The following SEMA3A variants were observed in gnomAD, a reference collection of about 807,000 sequenced individuals.
The protein encoded by SEMA3A is semaphorin 3A.
In SEMA3A, 29 loss-of-function variants were observed where a neutral mutation model predicts 97.9. That is an observed-to-expected ratio of 0.30 (90% CI 0.22 to 0.40). SEMA3A has a LOEUF of 0.40. Ranked by LOEUF, SEMA3A falls within the 10% of genes least tolerant of loss-of-function variation. The pLI, the probability that SEMA3A is intolerant of heterozygous loss-of-function variation, is 1.00. For missense variants in SEMA3A, 763 were observed against 951.3 expected, an observed-to-expected ratio of 0.80 and a Z score of 2.60; for synonymous variants, 321 against 323.7, an observed-to-expected ratio of 0.99 and a Z score of 0.09.
intron 1 of SEMA3A, among the ~76,000 whole-genome samples, chr7:84,181,943 A>G (rs1269632216): frequency 1.3e-5 from 2 of 152,102 alleles, no homozygotes; most frequent in African/African-American, 4.8e-5. Context: ...GTGTTTTCCA[A>G]AAGAATTCTG....
At chr7:84,178,919 C>T (rs1311940897) in intron 1 of SEMA3A, among the ~76,000 whole-genome samples, 2 of 152,104 alleles carry the variant, frequency 1.3e-5, no homozygotes, top group African/African-American at 4.8e-5. Context: ...CATTCTACTT[C>T]CTTCAGCTAG....
intron 1 of SEMA3A, among the ~76,000 whole-genome samples, chr7:84,445,887 A>G (rs1033599426): frequency 1.3e-5 from 2 of 152,072 alleles, no homozygotes; most frequent in Admixed American, 1.3e-4. Context: ...ATAAAAAAAA[A>G]GAATGAAGAA....
At chr7:84,091,138 AG>A (rs1794561671) in intron 4 of SEMA3A, among the ~76,000 whole-genome samples, 1 of 23,266 alleles carries the variant, frequency 4.3e-5, no homozygotes, top group African/African-American at 1.3e-4. Context: ...GAAAGAAAGA[AG>A]GAAGGAAGGA....
rs545122701 is a variant in SEMA3A at position 84,075,309 on chromosome 7, G to C, written c.454-14751C>G. 3.3e-5 allele frequency among the ~76,000 whole-genome samples: 5 copies of C among 151,728 alleles called. No individual in the cohort carries two copies. In the South Asian group the frequency reaches 1.0e-3, roughly 32 times the overall value. ...CTGCCTCAGCCTCCCGAGTAGCTGGGATTACAGGCACCTGCCACCATGCCA... is the reference window on the plus strand; with the variant it reads ...CTGCCTCAGCCTCCCGAGTAGCTGGCATTACAGGCACCTGCCACCATGCCA... On this transcript the variant is annotated intron_variant, in intron 4 of 16. Coordinates refer to ENST00000265362, the MANE Select transcript of SEMA3A (RefSeq NM_006080.3).
chr7:84,351,810 G>A (rs1273424452), intron 2 of SEMA3A, among the ~76,000 whole-genome samples: 2 of 151,994 alleles, frequency 1.3e-5, no homozygotes, highest in Non-Finnish European at 2.9e-5. Flanking sequence ...ATAACATTAT[G>A]GAGGTTCCTC....
intron 3 of SEMA3A, among the ~76,000 whole-genome samples, chr7:84,237,783 T>C (rs542773189): frequency 2.0e-5 from 3 of 152,246 alleles, no homozygotes; most frequent in Admixed American, 1.3e-4. Context: ...TTAGTCACTA[T>C]GGTTTACTAT....
chr7:84,460,730 G>C (rs1426299557), intron 1 of SEMA3A, among the ~76,000 whole-genome samples: 2 of 152,156 alleles, frequency 1.3e-5, no homozygotes, highest in African/African-American at 4.8e-5. Context: ...TTGCTTTGCA[G>C]TTTAAGATAC....
intron 3 of SEMA3A, among the ~76,000 whole-genome samples, chr7:84,204,934 C>T (rs1798451240): frequency 6.6e-6 from 1 of 152,176 alleles, no homozygotes; most frequent in African/African-American, 2.4e-5. Context: ...CATTTGAGAT[C>T]CTCCATCTTT....
At chr7:84,042,998 G>A (rs1426221433) in intron 6 of SEMA3A, among the ~76,000 whole-genome samples, 1 of 151,782 alleles carries the variant, frequency 6.6e-6, no homozygotes, top group African/African-American at 2.4e-5. Context: ...GCTGAAATTG[G>A]AATTGAAATT....
intron 2 of SEMA3A, among the ~76,000 whole-genome samples, chr7:84,360,433 T>C (rs1483367827): frequency 6.6e-6 from 1 of 152,136 alleles, no homozygotes; most frequent in Non-Finnish European, 1.5e-5. Context: ...GTGTTTAGTT[T>C]CCGTGTAGTT....
chr7:84,007,528 G>A (rs761434053), intron 9 of SEMA3A, 31 bp from the exon 10 acceptor site: 104 of 1,474,366 alleles, frequency 7.1e-5, no homozygotes, highest in Non-Finnish European at 8.7e-5. Context: ...AAAAACAGAA[G>A]TTCATCTTTA....
chr7:84,122,703 G>A (rs1795664728), intron 3 of SEMA3A, among the ~76,000 whole-genome samples: 1 of 152,106 alleles, frequency 6.6e-6, no homozygotes, highest in Non-Finnish European at 1.5e-5. Context: ...TTTAAGGGTT[G>A]ACATAGGCAT....
At chr7:84,090,837 C>A (rs1264518354) in intron 4 of SEMA3A, among the ~76,000 whole-genome samples, 3 of 151,816 alleles carry the variant, frequency 2.0e-5, no homozygotes, top group Non-Finnish European at 2.9e-5. Context: ...GAGGCCGAGG[C>A]AGGTGGATCT....
chr7:84,383,800 C>G (rs1030291124), intron 1 of SEMA3A, among the ~76,000 whole-genome samples: 1 of 152,140 alleles, frequency 6.6e-6, no homozygotes, highest in African/African-American at 2.4e-5. Flanking sequence ...ACATCTAAAC[C>G]AGTCATAATG....
intron 1 of SEMA3A, among the ~76,000 whole-genome samples, chr7:84,171,692 G>A (rs1797385697): frequency 6.6e-6 from 1 of 151,972 alleles, no homozygotes; most frequent in Non-Finnish European, 1.5e-5. Context: ...AACCTAAGAT[G>A]ATGTAAATGT....
intron 3 of SEMA3A, among the ~76,000 whole-genome samples, chr7:84,215,108 C>T (rs573537953): frequency 2.1e-4 from 32 of 150,652 alleles, no homozygotes; most frequent in African/African-American, 6.8e-4. Flanking sequence ...CCTGACCTCA[C>T]GATTTGTCTG....
rs1794867504 is a variant in SEMA3A, at chr7:84,099,087, T to A, written c.453+11383A>T. 1.9e-5 allele frequency among the ~76,000 whole-genome samples: 2 copies of A among 103,900 alleles called. 1 individual carries two copies. The highest frequency in any genetic ancestry group is 4.7e-5 in the Non-Finnish European group (2 of 42,790). The allele number at this position is 103,900 out of a possible 152,430, so 68.2% of individuals were successfully genotyped here. A position where few individuals can be genotyped will look rare whatever the true frequency, so the allele number is the denominator to read the frequency against. On this transcript the variant is annotated intron_variant, in intron 4 of 16. Coordinates refer to ENST00000265362, the MANE Select transcript of SEMA3A (RefSeq NM_006080.3). ...TTTCTTTTTTTTTCTTTTTTTTTTTTTGAGACGGAGTCTCGCTCTGTCGCC... is the reference window on the plus strand; with the variant it reads ...TTTCTTTTTTTTTCTTTTTTTTTTTATGAGACGGAGTCTCGCTCTGTCGCC...
At position 83,961,609 on chromosome 7, in the gene SEMA3A, T is replaced by C. The variant is rs759358700; in HGVS notation, c.2078A>G (p.Asn693Ser). Residue 693 changes from asparagine (N) to serine (S), a missense_variant, in exon 17 of 17, where the codon AAT becomes AGT. Asn to Ser is a conservative substitution (Grantham distance 46). Transcript: ENST00000265362. ...GDGSKTKEMSNSMTPSQKVWY... is the reference protein window; with the variant it reads ...GDGSKTKEMSSSMTPSQKVWY... The stretch of plus-strand genomic sequence containing the variant: ...GACCTTCTGGCTAGGTGTCATGCTA[T>C]TGGACATTTCTTTGGTCTTAGAGCC... The C allele has an allele frequency of 1.2e-6, 2 of 1,614,132 alleles. No individual in the cohort carries two copies. Among genetic ancestry groups the C allele is most frequent in the South Asian group, 1.1e-5 (1 of 91,080 alleles).
intron 1 of SEMA3A, among the ~76,000 whole-genome samples, chr7:84,461,174 A>G (rs1805829976): frequency 6.6e-6 from 1 of 152,164 alleles, no homozygotes; most frequent in East Asian, 1.9e-4. Flanking sequence ...TCCTCTACAC[A>G]TGGGATGTAA....
Sources: allele counts gnomAD v4.1 joint callset (sites outside exome capture counted in the v4.1 genomes callset), GRCh38; gene constraint gnomAD v4.1.1; transcripts MANE v1.5; gene names NCBI Gene and HGNC (gene_info 2026-07-23, HGNC 2026-07-21).